The following KLF12 variants were observed in gnomAD, a reference collection of about 807,000 sequenced individuals.
KLF12 encodes the protein Krueppel-like factor 12.
A neutral mutation model predicts 37.8 loss-of-function variants in KLF12; 9 were observed. The ratio of observed to expected loss-of-function variants is 0.24; its 90% CI spans 0.14 to 0.42. The LOEUF (loss-of-function observed/expected upper bound fraction) is 0.42, where lower values mean the gene tolerates loss of function less well. Among genes scored for constraint, KLF12 ranks in the 10% least tolerant of loss-of-function variants. KLF12 has a pLI of 1.00. For synonymous variants in KLF12, 208 were observed against 202.1 expected, an observed-to-expected ratio of 1.03 and a Z score of -0.25; for missense variants, 411 against 516.0, an observed-to-expected ratio of 0.80 and a Z score of 1.97.
intron 5 of KLF12, among the ~76,000 whole-genome samples, chr13:73,804,398 C>A (rs1168365668): frequency 2.0e-5 from 3 of 151,908 alleles, no homozygotes; most frequent in Non-Finnish European, 4.4e-5. Flanking sequence ...TGAAACAATT[C>A]AAGTATTAAA....
chr13:74,016,262 A>C (rs558452369), intron 1 of KLF12, among the ~76,000 whole-genome samples: 3 of 152,228 alleles, frequency 2.0e-5, no homozygotes, highest in Non-Finnish European at 2.9e-5. Context: ...GAAAATGCAC[A>C]TTAAAACCAC....
intron 2 of KLF12, among the ~76,000 whole-genome samples, chr13:73,972,703 C>T (rs1355969757): frequency 6.7e-6 from 1 of 149,980 alleles, no homozygotes; most frequent in African/African-American, 2.5e-5. Flanking sequence ...GTGACAGACT[C>T]CTGGCTGAAA....
the KLF12 span, among the ~76,000 whole-genome samples, chr13:74,152,892 A>G: frequency 0.065 from 305 of 4,728 alleles, no homozygotes; most frequent in African/African-American, 0.087. Flanking sequence ...ACAGATAATA[A>G]TAATAATAAT....
chr13:73,705,264 A>C (rs1942953163), intron 7 of KLF12, among the ~76,000 whole-genome samples: 1 of 152,102 alleles, frequency 6.6e-6, no homozygotes, highest in East Asian at 1.9e-4. Context: ...AGCATTATGA[A>C]TCAACATTTT....
intron 1 of KLF12, among the ~76,000 whole-genome samples, chr13:74,067,827 T>A (rs1874005607): frequency 6.6e-6 from 1 of 152,242 alleles, no homozygotes; most frequent in African/African-American, 2.4e-5. Flanking sequence ...TTATAAATGA[T>A]GTCAGGGAAG....
intron 3 of KLF12, among the ~76,000 whole-genome samples, chr13:73,878,409 G>T (rs1320709149): frequency 2.0e-5 from 3 of 152,062 alleles, no homozygotes; most frequent in East Asian, 3.9e-4. Context: ...ATTTGAATGT[G>T]GCATGAAGTG....
chr13:73,942,968 C>A (rs983086588), intron 3 of KLF12, among the ~76,000 whole-genome samples: 1 of 152,154 alleles, frequency 6.6e-6, no homozygotes, highest in Non-Finnish European at 1.5e-5. Flanking sequence ...GGATCCATAA[C>A]CTTGAATGTT....
chr13:74,135,359 G>A (rs973747055), upstream of KLF12, among the ~76,000 whole-genome samples: 1 of 151,912 alleles, frequency 6.6e-6, no homozygotes, highest in Non-Finnish European at 1.5e-5. Context: ...ACTGCCCCAC[G>A]CCCAGAGCGG....
chr13:74,116,986 T>A (rs1200737757), intron 1 of KLF12, among the ~76,000 whole-genome samples: 1 of 152,180 alleles, frequency 6.6e-6, no homozygotes, highest in Non-Finnish European at 1.5e-5. Flanking sequence ...TTCTCTACTC[T>A]TATCGCAACA....
At chr13:73,837,956 CAT>C (rs1884526246) in intron 4 of KLF12, among the ~76,000 whole-genome samples, 1 of 152,106 alleles carries the variant, frequency 6.6e-6, no homozygotes, top group African/African-American at 2.4e-5. Context: ...AGGACAGTCA[CAT>C]GTAAGGTAGA....
intron 5 of KLF12, among the ~76,000 whole-genome samples, chr13:73,806,407 C>CT (rs1882631816): frequency 6.6e-6 from 1 of 151,932 alleles, no homozygotes; most frequent in Non-Finnish European, 1.5e-5. Context: ...AACTTTTCTT[C>CT]TTTTTTTGAG....
At chr13:73,758,546 A>C (rs2138030200) in intron 6 of KLF12, among the ~76,000 whole-genome samples, 1 of 152,262 alleles carries the variant, frequency 6.6e-6, no homozygotes, top group South Asian at 2.1e-4. Flanking sequence ...AGGAATCAAC[A>C]AAGAGTACAA....
At chr13:73,780,616 C>T (rs1174346457) in intron 5 of KLF12, among the ~76,000 whole-genome samples, 1 of 152,162 alleles carries the variant, frequency 6.6e-6, no homozygotes, top group Non-Finnish European at 1.5e-5. Context: ...CATGTGCCAC[C>T]ACGCCTGGCT....
At chr13:73,996,569 T>C (rs1324588708) in intron 1 of KLF12, among the ~76,000 whole-genome samples, 1 of 152,240 alleles carries the variant, frequency 6.6e-6, no homozygotes, top group Non-Finnish European at 1.5e-5. Context: ...ATCCAAAAAT[T>C]CATAATACTC....
intron 3 of KLF12, among the ~76,000 whole-genome samples, chr13:73,921,859 T>C (rs1889132257): frequency 6.6e-6 from 1 of 152,206 alleles, no homozygotes; most frequent in East Asian, 1.9e-4. Flanking sequence ...GGAAGTGTCC[T>C]CTTGATTTGT....
chr13:74,189,706 T>C, the KLF12 span, among the ~76,000 whole-genome samples: 1 of 152,252 alleles, frequency 6.6e-6, no homozygotes, highest in Non-Finnish European at 1.5e-5. Context: ...ATTTCACTCA[T>C]ATATAAGTAA....
the KLF12 span, among the ~76,000 whole-genome samples, chr13:74,216,511 C>T: frequency 1.2e-4 from 19 of 152,242 alleles, no homozygotes; most frequent in African/African-American, 4.6e-4. Flanking sequence ...GAGCCTTGGC[C>T]GGTGTCCTGG....
At chr13:74,231,157 T>G in the KLF12 span, among the ~76,000 whole-genome samples, 2 of 151,978 alleles carry the variant, frequency 1.3e-5, no homozygotes, top group Non-Finnish European at 2.9e-5. Flanking sequence ...AAAAGTAAAG[T>G]CAGGTAAATG....
chr13:73,980,438 C>A (rs949829561), intron 2 of KLF12, among the ~76,000 whole-genome samples: 2 of 151,838 alleles, frequency 1.3e-5, no homozygotes, highest in Non-Finnish European at 2.9e-5. Flanking sequence ...ATGCAAATAT[C>A]CTATATAAAA....
Sources: gnomAD v4.1 joint callset for allele counts (sites outside exome capture counted in the v4.1 genomes callset) on GRCh38, gnomAD v4.1.1 for gene constraint, MANE v1.5 for transcripts, NCBI Gene and HGNC (gene_info 2026-07-23, HGNC 2026-07-21) for gene names.